Variants in ROBO1 observed in about 807,000 individuals in gnomAD.
ROBO1 encodes the protein roundabout guidance receptor 1.
ROBO1 carries 149 observed loss-of-function variants against 195.9 expected under a neutral mutation model. That is an observed-to-expected ratio of 0.76 (90% CI 0.67 to 0.87). ROBO1 has a LOEUF of 0.87. Among genes scored for constraint, ROBO1 ranks in the 40% least tolerant of loss-of-function variants. The pLI is 0.00. For synonymous variants in ROBO1, 816 were observed against 733.2 expected (o/e 1.11, Z -1.82); for missense variants, 1,933 against 2,068.3 (o/e 0.93, Z 1.27).
At chr3:78,928,536 G>C (rs1053085500) in intron 4 of ROBO1, among the ~76,000 whole-genome samples, 7 of 152,134 alleles carry the variant, frequency 4.6e-5, no homozygotes, top group African/African-American at 1.7e-4. Context: ...GGGCTACTTT[G>C]CGTGATTTAA....
At chr3:79,582,334 C>T (rs1268063303) in intron 2 of ROBO1, among the ~76,000 whole-genome samples, 1 of 151,502 alleles carries the variant, frequency 6.6e-6, no homozygotes, top group African/African-American at 2.4e-5. Flanking sequence ...TTTAGCTCCC[C>T]CTTACTCTTT....
intron 26 of ROBO1, 53 bp from the exon 27 acceptor site, chr3:78,618,094 A>G (rs1704239111): frequency 2.6e-6 from 4 of 1,518,200 alleles, no homozygotes; most frequent in Non-Finnish European, 3.5e-6. Flanking sequence ...TAAGACATAA[A>G]AGGACAAATT....
At chr3:79,320,808 G>A (rs2033947956) in intron 2 of ROBO1, among the ~76,000 whole-genome samples, 1 of 152,126 alleles carries the variant, frequency 6.6e-6, no homozygotes, top group Non-Finnish European at 1.5e-5. Context: ...AATTTTAAAT[G>A]AATCAGAGAT....
At chr3:79,117,231 A>C (rs763301676) in intron 3 of ROBO1, among the ~76,000 whole-genome samples, 1 of 152,088 alleles carries the variant, frequency 6.6e-6, no homozygotes, top group Non-Finnish European at 1.5e-5. Flanking sequence ...TTAGCTGGGC[A>C]TGGTGGCACG....
At chr3:79,236,475 T>C (rs1013294647) in intron 2 of ROBO1, among the ~76,000 whole-genome samples, 3 of 152,230 alleles carry the variant, frequency 2.0e-5, no homozygotes, top group Non-Finnish European at 2.9e-5. Context: ...ACGAAAATTA[T>C]ATACATAAAA....
chr3:78,611,974 T>C (rs1703841687), intron 28 of ROBO1, among the ~76,000 whole-genome samples: 1 of 152,122 alleles, frequency 6.6e-6, no homozygotes, highest in Admixed American at 6.6e-5. Context: ...TAAATTTCTG[T>C]TTTTGAAGCC....
At chr3:79,574,603 T>C (rs1401448111) in intron 2 of ROBO1, among the ~76,000 whole-genome samples, 2 of 151,970 alleles carry the variant, frequency 1.3e-5, no homozygotes, top group Non-Finnish European at 2.9e-5. Flanking sequence ...CTTTTTATTG[T>C]TTACTTTAAT....
chr3:79,012,376 C>T (rs1418037741), intron 3 of ROBO1, among the ~76,000 whole-genome samples: 1 of 152,170 alleles, frequency 6.6e-6, no homozygotes, highest in Admixed American at 6.5e-5. Context: ...AAGTGTCAAA[C>T]TAGGTGACAA....
intron 2 of ROBO1, among the ~76,000 whole-genome samples, chr3:79,291,270 A>G (rs916624552): frequency 2.6e-5 from 4 of 152,166 alleles, no homozygotes; most frequent in Admixed American, 1.3e-4. Flanking sequence ...AACTTTCATC[A>G]TGTTGGCCCC....
At chr3:79,602,506 G>A (rs889772083) in intron 1 of ROBO1, among the ~76,000 whole-genome samples, 1 of 151,920 alleles carries the variant, frequency 6.6e-6, no homozygotes, top group Non-Finnish European at 1.5e-5. Flanking sequence ...TCAGATAACT[G>A]TCTCTTGCCT....
At chr3:79,214,275 G>A (rs1026238909) in intron 2 of ROBO1, among the ~76,000 whole-genome samples, 9 of 151,982 alleles carry the variant, frequency 5.9e-5, no homozygotes, top group African/African-American at 1.2e-4. Context: ...GTTTATTACC[G>A]TAAATAATAG....
At chr3:78,970,822 A>C (rs1012107302) in intron 3 of ROBO1, among the ~76,000 whole-genome samples, 1 of 152,060 alleles carries the variant, frequency 6.6e-6, no homozygotes, top group Non-Finnish European at 1.5e-5. Context: ...ACCCAAGTTT[A>C]TTCAGTCAGT....
At chr3:79,078,700 C>G (rs1260193726) in intron 3 of ROBO1, among the ~76,000 whole-genome samples, 1 of 151,716 alleles carries the variant, frequency 6.6e-6, no homozygotes, top group African/African-American at 2.4e-5. Context: ...ACTTTTAGAA[C>G]ATGTATGGAA....
At chr3:79,555,585 G>A (rs541928994) in intron 2 of ROBO1, among the ~76,000 whole-genome samples, 1 of 152,240 alleles carries the variant, frequency 6.6e-6, no homozygotes, top group African/African-American at 2.4e-5. Context: ...GATTGAGACA[G>A]ATCTCCTAGT....
At chr3:79,038,900 G>A (rs1162466315) in intron 3 of ROBO1, among the ~76,000 whole-genome samples, 1 of 152,106 alleles carries the variant, frequency 6.6e-6, no homozygotes, top group Non-Finnish European at 1.5e-5. Context: ...GAGCAGAAAA[G>A]GCTGTATTCT....
chr3:79,453,488 A>AGCTCTAACT (rs2039514412), intron 2 of ROBO1, among the ~76,000 whole-genome samples: 3 of 152,118 alleles, frequency 2.0e-5, no homozygotes, highest in Non-Finnish European at 4.4e-5. Context: ...TAGGGGTTAT[A>AGCTCTAACT]GCTCTAACTT....
intron 3 of ROBO1, among the ~76,000 whole-genome samples, chr3:79,034,575 G>A (rs931504202): frequency 3.3e-5 from 5 of 152,068 alleles, no homozygotes; most frequent in Non-Finnish European, 5.9e-5. Flanking sequence ...TTAAAACAAC[G>A]TGGGAATAAA....
At chr3:78,951,082 G>GAT (rs909730940) in intron 3 of ROBO1, among the ~76,000 whole-genome samples, 1 of 151,184 alleles carries the variant, frequency 6.6e-6, no homozygotes, top group Non-Finnish European at 1.5e-5. Flanking sequence ...CTATATCATA[G>GAT]ATATATATAA....
intron 1 of ROBO1, among the ~76,000 whole-genome samples, chr3:79,650,670 T>C (rs182101056): frequency 3.2e-4 from 49 of 151,798 alleles, no homozygotes; most frequent in Non-Finnish European, 5.7e-4. Flanking sequence ...AGGAATAGAA[T>C]ACCATAAATA....
Sources: allele counts gnomAD v4.1 joint callset (sites outside exome capture counted in the v4.1 genomes callset), GRCh38; gene constraint gnomAD v4.1.1; transcripts MANE v1.5; gene names NCBI Gene and HGNC (gene_info 2026-07-23, HGNC 2026-07-21).